PAMR1: variants seen among roughly 807,000 people sequenced by gnomAD.
PAMR1 encodes the protein inactive serine protease PAMR1.
PAMR1 carries 88 observed loss-of-function variants against 81.8 expected under a neutral mutation model. That is an observed-to-expected ratio of 1.08 (90% confidence interval 0.91 to 1.28). PAMR1 has a LOEUF of 1.28. Ranked by LOEUF, PAMR1 falls within the 50% of genes most tolerant of loss-of-function variation. The pLI is 0.00. For synonymous variants in PAMR1, 336 were observed against 345.3 expected, an observed-to-expected ratio of 0.97 and a Z score of 0.30; for missense variants, 935 against 919.7, an observed-to-expected ratio of 1.02 and a Z score of -0.21.
chr11:35,480,541 C>T (rs886165750), intron 3 of PAMR1, among the ~76,000 whole-genome samples: 7 of 152,126 alleles, frequency 4.6e-5, no homozygotes, highest in Admixed American at 4.6e-4. Context: ...GCCATTAATC[C>T]CCTCCAATGA....
At chr11:35,477,954 T>C (rs759364600) in intron 3 of PAMR1, among the ~76,000 whole-genome samples, 1 of 152,146 alleles carries the variant, frequency 6.6e-6, no homozygotes, top group Non-Finnish European at 1.5e-5. Flanking sequence ...ACGGAAGTGA[T>C]ATGCAGGGTG....
upstream of PAMR1, among the ~76,000 whole-genome samples, chr11:35,527,591 C>T (rs967753950): frequency 1.3e-5 from 2 of 152,154 alleles, no homozygotes; most frequent in African/African-American, 4.8e-5. Flanking sequence ...AAGGGAGGTT[C>T]ACCTTGTTGC....
At chr11:35,481,644 T>C (rs1221783406) in intron 3 of PAMR1, among the ~76,000 whole-genome samples, 2 of 152,232 alleles carry the variant, frequency 1.3e-5, no homozygotes, top group Non-Finnish European at 2.9e-5. Context: ...TGCCTCAGCC[T>C]CCCAAGTAGC....
chr11:35,492,220 G>A, intron 2 of PAMR1, 47 bp from the exon 3 acceptor site: 1 of 1,606,458 alleles, frequency 6.2e-7, no homozygotes, highest in Admixed American at 1.7e-5. Context: ...GCACCTGCGA[G>A]TTCTGATCAG....
chr11:35,482,906 T>A (rs1263500326), intron 3 of PAMR1, among the ~76,000 whole-genome samples: 1 of 152,094 alleles, frequency 6.6e-6, no homozygotes, highest in African/African-American at 2.4e-5. Flanking sequence ...CATGTCTTCA[T>A]CCATTATAGT....
Position 35,504,484 on chromosome 11 carries a change from T to G in PAMR1, c.74-10212A>C, listed in dbSNP as rs1204857100. Among the ~76,000 whole-genome samples, 3 of 152,148 alleles carry G rather than the reference T, an allele frequency of 2.0e-5. No individual in the cohort carries two copies. In the South Asian group the frequency reaches 6.2e-4, roughly 32 times the overall value. On this transcript the variant is annotated intron_variant, in intron 1 of 10. Coordinates refer to ENST00000619888, the MANE Select transcript of PAMR1 (RefSeq NM_001001991.3). Reference sequence around the variant, plus strand: ...TTTTTCTTTAAATGTTTGGTAGAATTCAGCAGTGAAGCCATCAGATGGTCC... The same window carrying G: ...TTTTTCTTTAAATGTTTGGTAGAATGCAGCAGTGAAGCCATCAGATGGTCC...
intron 6 of PAMR1, among the ~76,000 whole-genome samples, chr11:35,447,853 C>G (rs1268607147): frequency 6.6e-6 from 1 of 152,160 alleles, no homozygotes; most frequent in Non-Finnish European, 1.5e-5. Flanking sequence ...GACAAATTCC[C>G]TCAGCATTTG....
At chr11:35,484,984 C>T (rs567910911) in intron 3 of PAMR1, among the ~76,000 whole-genome samples, 5 of 152,272 alleles carry the variant, frequency 3.3e-5, no homozygotes, top group Admixed American at 2.0e-4. Context: ...GCCTTGGTTT[C>T]GACTTTGGAT....
intron 6 of PAMR1, among the ~76,000 whole-genome samples, chr11:35,467,470 C>G (rs1038976682): frequency 6.6e-6 from 1 of 152,188 alleles, no homozygotes; most frequent in African/African-American, 2.4e-5. Context: ...TTATATAAGA[C>G]ATGTGTTAAA....
chr11:35,498,366 T>C (rs1363028044), intron 1 of PAMR1, among the ~76,000 whole-genome samples: 1 of 152,180 alleles, frequency 6.6e-6, no homozygotes, highest in Non-Finnish European at 1.5e-5. Flanking sequence ...GCTACGTTAC[T>C]CTCTCAGTCT....
Position 35,432,641 on chromosome 11 carries a change from G to A in PAMR1, c.1878C>T (p.Asp626=). 1.9e-6 allele frequency: 3 copies of A among 1,614,086 alleles called. No homozygotes were observed. The highest frequency in any genetic ancestry group is 2.5e-6 in the Non-Finnish European group (3 of 1,179,958). The change falls in exon 11 of 11, where the codon GAC becomes GAT. Residue 626 remains aspartate (D), a synonymous_variant. Coordinates refer to ENST00000619888, the MANE Select transcript of PAMR1 (RefSeq NM_001001991.3). ...CATGCTGCTCCTCACACAGCAGCGA[G>A]TCCACCACACTGACCACCCCAGAGC... ...TLRSGVVSVV[D]SLLCEEQHED... is the part of the protein sequence containing the mutation.
chr11:35,479,098 C>T (rs1850335557), intron 3 of PAMR1, among the ~76,000 whole-genome samples: 1 of 152,188 alleles, frequency 6.6e-6, no homozygotes, highest in South Asian at 2.1e-4. Flanking sequence ...TTCTTATCTT[C>T]AGCATTTGGT....
intron 8 of PAMR1, among the ~76,000 whole-genome samples, chr11:35,438,222 T>A (rs1021210253): frequency 6.6e-6 from 1 of 152,208 alleles, no homozygotes; most frequent in Admixed American, 6.5e-5. Flanking sequence ...GTTACTTAAC[T>A]TCTCTGAGCT....
chr11:35,488,853 T>C (rs1024925545), intron 3 of PAMR1, among the ~76,000 whole-genome samples: 28 of 152,068 alleles, frequency 1.8e-4, no homozygotes, highest in Admixed American at 1.8e-3. Flanking sequence ...CTTTCAGGCA[T>C]GAGCCACTGC....
In PAMR1 at chr11:35,432,306, C is replaced by T. The variant is rs769274627; in HGVS notation, c.*50G>A. On this transcript the variant is annotated 3_prime_UTR_variant, in exon 11 of 11. Coordinates refer to ENST00000619888, the MANE Select transcript of PAMR1 (RefSeq NM_001001991.3). ...CCACACTGCTTCACGCAATGACACA[C>T]GTACAGACGGATATACAGAAACACT... The T allele has an allele frequency of 1.7e-5, 26 of 1,518,538 alleles. No individual in the cohort carries two copies. Among genetic ancestry groups the T allele is most frequent in the Middle Eastern group, 1.7e-4 (1 of 5,836 alleles). 94.1% of individuals were successfully genotyped at this position (1,518,538 alleles called of 1,614,324 possible).
In PAMR1 at chr11:35,434,749, C is replaced by T. The variant is rs754545805; in HGVS notation, c.1389G>A (p.Pro463=). ...TAPKTQGLRW[P]WQAAIYRRTS... ...TCCTCCTGTAGATGGCTGCCTGCCA[C>T]GGCCAGCGCAACCCTTGGGTCTTTG... Residue 463 remains proline (P), a synonymous_variant, in exon 10 of 11, where the codon CCG becomes CCA. Coordinates refer to ENST00000619888, the MANE Select transcript of PAMR1 (RefSeq NM_001001991.3). 36 of 1,614,038 alleles carry T rather than the reference C, an allele frequency of 2.2e-5. No individual in the cohort carries two copies. Among genetic ancestry groups the T allele is most frequent in the Non-Finnish European group, 2.7e-5 (32 of 1,180,024 alleles).
At chr11:35,465,020 T>C (rs1202222800) in intron 6 of PAMR1, among the ~76,000 whole-genome samples, 1 of 152,212 alleles carries the variant, frequency 6.6e-6, no homozygotes, top group African/African-American at 2.4e-5. Context: ...AGTTCATCAG[T>C]GAAGCATCTG....
At chr11:35,483,249 T>C (rs934895041) in intron 3 of PAMR1, among the ~76,000 whole-genome samples, 10 of 152,158 alleles carry the variant, frequency 6.6e-5, no homozygotes, top group Non-Finnish European at 1.3e-4. Context: ...GAAATCTCTC[T>C]TTGATTTTCA....
chr11:35,483,098 C>T (rs1294043078), intron 3 of PAMR1, among the ~76,000 whole-genome samples: 1 of 152,154 alleles, frequency 6.6e-6, no homozygotes, highest in African/African-American at 2.4e-5. Context: ...ATTGCAAACG[C>T]CCTCTCCTCT....
Sources: gnomAD v4.1 joint callset for allele counts (sites outside exome capture counted in the v4.1 genomes callset) on GRCh38, gnomAD v4.1.1 for gene constraint, MANE v1.5 for transcripts, NCBI Gene and HGNC (gene_info 2026-07-23, HGNC 2026-07-21) for gene names.